PROKR2: variants seen among roughly 807,000 people sequenced by gnomAD.
PROKR2 encodes G protein-coupled receptor 73-like 1.
In PROKR2, 26 loss-of-function variants were observed where a neutral mutation model predicts 23.4. The ratio of observed to expected loss-of-function variants is 1.11; its 90% CI spans 0.81 to 1.54. The LOEUF (loss-of-function observed/expected upper bound fraction) is 1.54. Among genes scored for constraint, PROKR2 ranks in the 40% most tolerant of loss-of-function variants. The pLI is 0.00. For synonymous variants in PROKR2, 212 were observed against 201.2 expected (o/e 1.05, Z -0.45); for missense variants, 453 against 511.5 (o/e 0.89, Z 1.10).
chr20:5,300,616 C>A lies in PROKR2; in HGVS notation c.*1424G>T, dbSNP rs1353384335. ...GCAAGGTATGAAGAGCGGATATTTT[C>A]ATCATCGCCATTTCATTAAAGCAAA... On this transcript the variant is annotated 3_prime_UTR_variant, in exon 3 of 3. Transcript: ENST00000678254. Among the ~76,000 whole-genome samples the A allele has an allele frequency of 6.6e-6, 1 of 152,202 alleles. No individual in the cohort carries two copies. Among genetic ancestry groups the A allele is most frequent in the East Asian group, 1.9e-4 (1 of 5,202 alleles).
intron 2 of PROKR2, among the ~76,000 whole-genome samples, chr20:5,305,660 C>G (rs533293323): frequency 1.3e-4 from 19 of 149,596 alleles, no homozygotes; most frequent in African/African-American, 4.7e-4. Context: ...TGATAAACGT[C>G]CTACCTGTGA....
In PROKR2 at chr20:5,316,458, A is replaced by G. The variant is rs549686320; in HGVS notation, c.-9+36T>C. ...TCCTAGCGACTCCCCCACCGCACCG[A>G]CTGAGTCCCGGGACTGCAGGGATCT... On this transcript the variant is annotated intron_variant, in intron 1 of 2. Transcript: ENST00000678254. This position sits in a 1 kb window ranked among gnomAD's most constrained non-coding sequence, Gnocchi z 5.0. 264 of 444,086 alleles carry G rather than the reference A, an allele frequency of 5.9e-4. 1 individual carries two copies. The highest frequency in any genetic ancestry group is 5.1e-3 in the African/African-American group (253 of 49,590). 27.5% of individuals were successfully genotyped at this position (444,086 alleles called of 1,614,324 possible).
chr20:5,309,654 A>C (rs1333700125), intron 2 of PROKR2, among the ~76,000 whole-genome samples: 2 of 152,216 alleles, frequency 1.3e-5, no homozygotes, highest in African/African-American at 4.8e-5. Flanking sequence ...TAATGTGTTT[A>C]TAGATCCTGG....
rs553597133 is a variant in PROKR2, at chr20:5,308,926, C to A, written c.458+4986G>T. 7.2e-5 allele frequency among the ~76,000 whole-genome samples: 11 copies of A among 152,202 alleles called. No individual in the cohort carries two copies. The South Asian group carries it at 1.9e-3, about 26-fold the overall frequency. On this transcript the variant is annotated intron_variant, in intron 2 of 2. Transcript: ENST00000678254. The stretch of plus-strand genomic sequence containing the variant: ...TCATTGAATTGCATTAGAGGAGATA[C>A]CAAAGCAGCATGGCTCTCCCCAGCT...
rs141982889 is a variant in PROKR2, at chr20:5,316,242, C to T, written c.-9+252G>A. The stretch of plus-strand genomic sequence containing the variant: ...GCTCGTCCGCGAGCTCAGCTACCCG[C>T]TGGCTCCCTCTGCCCGCGCCCGCAC... On this transcript the variant is annotated intron_variant, in intron 1 of 2. Coordinates refer to ENST00000678254, the MANE Select transcript of PROKR2 (RefSeq NM_144773.4). The surrounding 1 kb of genome is among the most constrained non-coding windows in gnomAD (Gnocchi z 5.0). 5 of 456,702 alleles carry T rather than the reference C, an allele frequency of 1.1e-5. No individual in the cohort carries two copies. Among genetic ancestry groups the T allele is most frequent in the Non-Finnish European group, 2.2e-5 (5 of 226,962 alleles). The allele number at this position is 456,702 out of a possible 1,614,324, so 28.3% of individuals were successfully genotyped here. A position where few individuals can be genotyped will look rare whatever the true frequency, so the allele number is the denominator to read the frequency against.
rs148972116 is a variant in PROKR2, at chr20:5,311,034, A to G, written c.458+2878T>C. Among the ~76,000 whole-genome samples the G allele has an allele frequency of 2.3e-3, 351 of 152,320 alleles. 1 individual carries two copies. Among genetic ancestry groups the G allele is most frequent in the African/African-American group, 8.1e-3 (337 of 41,566 alleles). The stretch of plus-strand genomic sequence containing the variant: ...GCTCAGGATTTGACATGTATTCCGT[A>G]AGCACTTGAATTTCTAGATATTTTG... On this transcript the variant is annotated intron_variant, in intron 2 of 2. Coordinates refer to ENST00000678254, the MANE Select transcript of PROKR2 (RefSeq NM_144773.4).
rs374194956 is a variant in PROKR2 at position 5,302,384 on chromosome 20, T to C, written c.811A>G (p.Arg271Gly). 4 of 1,614,116 alleles carry C rather than the reference T, an allele frequency of 2.5e-6. No homozygotes were observed. In the African/African-American group the frequency reaches 4.0e-5, roughly 16 times the overall value. ...CACATGAGCACCAGGACCGTCTTCC[T>C]GCGGCAGCGCAGCCGCTTGCGAATC... ...EQIRKRLRCR[R>G]KTVLVLMCIL... Residue 271 changes from arginine to glycine, a missense_variant, in exon 3 of 3, where the codon AGG becomes GGG. Arg to Gly is a moderately radical substitution (Grantham distance 125). Transcript: ENST00000678254.
chr20:5,315,838 G>A (rs988938619), intron 1 of PROKR2: 3 of 456,522 alleles, frequency 6.6e-6, no homozygotes, highest in Non-Finnish European at 1.3e-5. Context: ...GTGGGACCAA[G>A]AATGGGGAGT....
Position 5,316,437 on chromosome 20 carries a change from A to G in PROKR2, c.-9+57T>C. The G allele has an allele frequency of 2.2e-6, 1 of 453,182 alleles. No individual in the cohort carries two copies. Among genetic ancestry groups the G allele is most frequent in the Non-Finnish European group, 4.4e-6 (1 of 225,236 alleles). The allele number at this position is 453,182 out of a possible 1,614,324, so 28.1% of individuals were successfully genotyped here. On this transcript the variant is annotated intron_variant, in intron 1 of 2. Coordinates refer to ENST00000678254, the MANE Select transcript of PROKR2 (RefSeq NM_144773.4). This position sits in a 1 kb window ranked among gnomAD's most constrained non-coding sequence, Gnocchi z 5.0. ...AGTGGGCGTCAGAGGCCCTTGTCCT[A>G]GCGACTCCCCCACCGCACCGACTGA... is the stretch of plus-strand genomic sequence containing the variant.
intron 1 of PROKR2, 79 bp from the exon 2 acceptor site, chr20:5,314,456 C>T (rs1446509475): frequency 8.8e-7 from 1 of 1,139,812 alleles, no homozygotes. Flanking sequence ...GTGAGCCTAG[C>T]ACCCTGCCCA....
chr20:5,313,581 C>T (rs1427396037), intron 2 of PROKR2, among the ~76,000 whole-genome samples: 5 of 152,248 alleles, frequency 3.3e-5, no homozygotes, highest in African/African-American at 1.2e-4. Flanking sequence ...TGACTGGAAG[C>T]TGCCCTAGTT....
chr20:5,303,108 G>T (rs553747244), intron 2 of PROKR2, among the ~76,000 whole-genome samples: 1 of 152,338 alleles, frequency 6.6e-6, no homozygotes, highest in East Asian at 1.9e-4. Flanking sequence ...AATGCTTTGT[G>T]TATAGTAGGC....
At chr20:5,315,329 A>C (rs1979624387) in intron 1 of PROKR2, among the ~76,000 whole-genome samples, 1 of 151,942 alleles carries the variant, frequency 6.6e-6, no homozygotes, top group Non-Finnish European at 1.5e-5. Flanking sequence ...CCCAGAGTCA[A>C]CCCTGCCTGA....
rs1568569529 is a variant in PROKR2 at position 5,302,676 on chromosome 20, C to T, written c.519G>A (p.Leu173=). The change falls in exon 3 of 3, where the codon CTG becomes CTA. Residue 173 remains leucine (L), a synonymous_variant. Coordinates refer to ENST00000678254, the MANE Select transcript of PROKR2 (RefSeq NM_144773.4). ...TGGACACCATCCAGACCAAGGCGATCAGGAAGGAGGCCGTTTGATAATTCA... is the reference window on the plus strand; with the variant it reads ...TGGACACCATCCAGACCAAGGCGATTAGGAAGGAGGCCGTTTGATAATTCA... ...PRMNYQTASF[L]IALVWMVSIL... is the part of the protein sequence containing the mutation. The T allele has an allele frequency of 1.9e-6, 3 of 1,614,184 alleles. No individual in the cohort carries two copies. The highest frequency in any genetic ancestry group is 4.5e-5 in the East Asian group (2 of 44,878).
rs1466558251 is a variant in PROKR2 at position 5,302,129 on chromosome 20, G to A, written c.1066C>T (p.Gln356Ter). 1 of 1,614,098 alleles carries A rather than the reference G, an allele frequency of 6.2e-7. No homozygotes were observed. Among genetic ancestry groups the A allele is most frequent in the African/African-American group, 1.3e-5 (1 of 74,926 alleles). ...TCAGCACTGGACTTGCTCCCCCGCT[G>A]GGAGGGACGCCAGTGCAGCAGCATC... ...KMMLLHWRPS[Q>*]RGSKSSADLD... Residue 356 changes from glutamine (Q) to a stop codon, truncating the protein, a stop_gained, in exon 3 of 3, where the codon CAG (glutamine) becomes TAG (stop). Coordinates refer to ENST00000678254, the MANE Select transcript of PROKR2 (RefSeq NM_144773.4). LOFTEE classifies it high-confidence loss of function.
At chr20:5,305,679 T>C (rs1979192423) in intron 2 of PROKR2, among the ~76,000 whole-genome samples, 1 of 113,132 alleles carries the variant, frequency 8.8e-6, no homozygotes, top group South Asian at 3.1e-4. Context: ...GAAATAACTA[T>C]TCAGGAAAAA....
rs1461646100 is a variant in PROKR2 at position 5,316,403 on chromosome 20, C to G, written c.-9+91G>C. On this transcript the variant is annotated intron_variant, in intron 1 of 2. Coordinates refer to ENST00000678254, the MANE Select transcript of PROKR2 (RefSeq NM_144773.4). The surrounding 1 kb of genome is among the most constrained non-coding windows in gnomAD (Gnocchi z 5.0). Reference sequence around the variant, plus strand: ...CGGGAGGCAAAGCAGCCGGAATGCCCGAGAAAAAAGTGGGCGTCAGAGGCC... The same window carrying G: ...CGGGAGGCAAAGCAGCCGGAATGCCGGAGAAAAAAGTGGGCGTCAGAGGCC... 5 of 456,114 alleles carry G rather than the reference C, an allele frequency of 1.1e-5. No individual in the cohort carries two copies. The highest frequency in any genetic ancestry group is 2.2e-5 in the Non-Finnish European group (5 of 226,810). The allele number at this position is 456,114 out of a possible 1,614,324, so 28.3% of individuals were successfully genotyped here.
At chr20:5,308,925 A>G (rs1333658832) in intron 2 of PROKR2, among the ~76,000 whole-genome samples, 1 of 152,114 alleles carries the variant, frequency 6.6e-6, no homozygotes, top group African/African-American at 2.4e-5. Flanking sequence ...TAGAGGAGAT[A>G]CCAAAGCAGC....
chr20:5,311,826 G>C (rs1234754123), intron 2 of PROKR2, among the ~76,000 whole-genome samples: 1 of 152,172 alleles, frequency 6.6e-6, no homozygotes, highest in Non-Finnish European at 1.5e-5. Context: ...TCAAACATTG[G>C]ACTTCAAGTT....
Sources: gnomAD v4.1 joint callset for allele counts (sites outside exome capture counted in the v4.1 genomes callset) on GRCh38, gnomAD v4.1.1 for gene constraint, Gnocchi (gnomAD v3.1) non-coding constraint, MANE v1.5 for transcripts, NCBI Gene and HGNC (gene_info 2026-07-23, HGNC 2026-07-21) for gene names.